Variants in ACTMAP observed in about 807,000 individuals in gnomAD.
The protein encoded by ACTMAP is UPF0692 protein C19orf54.
the ACTMAP span, among the ~76,000 whole-genome samples, chr19:40,743,601 C>T: frequency 1.3e-5 from 2 of 152,254 alleles, no homozygotes; most frequent in South Asian, 4.1e-4. Context: ...ACTGTTACCC[C>T]CAATTTCCAG....
At chr19:40,749,697 AG>A in the ACTMAP span, 2 of 1,529,532 alleles carry the variant, frequency 1.3e-6, no homozygotes, top group Non-Finnish European at 1.8e-6. Flanking sequence ...TGAAAAGTCC[AG>A]GGGACTTGGG....
the ACTMAP span, chr19:40,744,878 T>A: frequency 1.1e-6 from 1 of 908,874 alleles, no homozygotes; most frequent in Non-Finnish European, 1.6e-6. Context: ...AGAGGTCACC[T>A]GAGCTTCCTG....
the ACTMAP span, chr19:40,742,325 G>A: frequency 8.9e-7 from 1 of 1,127,884 alleles, no homozygotes; most frequent in Non-Finnish European, 1.2e-6. Flanking sequence ...GAGGACTGGA[G>A]ACCCCTGAGA....
the ACTMAP span, among the ~76,000 whole-genome samples, chr19:40,747,194 C>T: frequency 6.6e-6 from 1 of 152,022 alleles, no homozygotes; most frequent in Non-Finnish European, 1.5e-5. Context: ...CTCCTGGTTC[C>T]TAGTTTAGGG....
At chr19:40,745,198 C>T in the ACTMAP span, 1 of 1,551,788 alleles carries the variant, frequency 6.4e-7, no homozygotes, top group Non-Finnish European at 8.7e-7. Context: ...CACCTCGGAA[C>T]CTGAAGCAGA....
chr19:40,742,541 C>T, the ACTMAP span: 6 of 1,585,120 alleles, frequency 3.8e-6, no homozygotes, highest in African/African-American at 4.0e-5. Context: ...CCCGTGAGGG[C>T]GAGAAGTCCG....
chr19:40,743,799 A>G, the ACTMAP span: 4 of 1,426,970 alleles, frequency 2.8e-6, no homozygotes, highest in Non-Finnish European at 3.9e-6. Flanking sequence ...CTAAGTGCCC[A>G]GCCTGGCTGG....
chr19:40,743,015 G>A, the ACTMAP span, among the ~76,000 whole-genome samples: 1 of 152,150 alleles, frequency 6.6e-6, no homozygotes, highest in Admixed American at 6.5e-5. Context: ...GAGGCAGCAT[G>A]AGATGAAGCA....
the ACTMAP span, chr19:40,745,261 C>G: frequency 6.6e-7 from 1 of 1,518,106 alleles, no homozygotes; most frequent in Non-Finnish European, 9.0e-7. Context: ...ACCCTGAGGT[C>G]TGGCTGGGAG....
At chr19:40,744,541 T>C in the ACTMAP span, 3 of 1,612,728 alleles carry the variant, frequency 1.9e-6, no homozygotes, top group African/African-American at 1.3e-5. Context: ...TGATGGAGCA[T>C]GCAGTCACCC....
the ACTMAP span, among the ~76,000 whole-genome samples, chr19:40,748,984 CTTTTTTTTTTT>C: frequency 2.0e-4 from 20 of 102,554 alleles, no homozygotes; most frequent in African/African-American, 6.3e-4. Context: ...GGCATTTGCT[CTTTTTTTTTTT>C]TTTTTTTTTT....
the ACTMAP span, chr19:40,745,211 C>T: frequency 4.6e-5 from 71 of 1,551,732 alleles, no homozygotes; most frequent in African/African-American, 5.7e-4. Context: ...GAAGCAGAGC[C>T]GTGCTCAGTC....
the ACTMAP span, chr19:40,744,233 T>C: frequency 2.0e-5 from 31 of 1,521,058 alleles, 1 homozygote; most frequent in South Asian, 3.6e-4. Flanking sequence ...GCTTGCTGCA[T>C]GTGCCCAGCA....
the ACTMAP span, among the ~76,000 whole-genome samples, chr19:40,744,393 G>A: frequency 1.3e-5 from 2 of 152,168 alleles, no homozygotes; most frequent in African/African-American, 2.4e-5. Context: ...TTGCAACCTA[G>A]GCAGCCAGCT....
the ACTMAP span, among the ~76,000 whole-genome samples, chr19:40,743,153 T>G: frequency 6.6e-6 from 1 of 151,976 alleles, no homozygotes; most frequent in African/African-American, 2.4e-5. Flanking sequence ...CAACCTGGCC[T>G]TCTTTCTTTC....
the ACTMAP span, chr19:40,749,915 G>C: frequency 2.3e-6 from 2 of 867,896 alleles, no homozygotes; most frequent in Admixed American, 3.8e-5. Flanking sequence ...CTGAGTTCCA[G>C]AATCTGGGGA....
chr19:40,742,715 C>T, the ACTMAP span: 1 of 1,612,158 alleles, frequency 6.2e-7, no homozygotes, highest in South Asian at 1.1e-5. Context: ...GGCCCGGCAG[C>T]TCAGGGTCCT....
the ACTMAP span, chr19:40,741,815 C>G: frequency 2.2e-6 from 1 of 456,590 alleles, no homozygotes; most frequent in South Asian, 1.5e-5. Context: ...GATCTGCTAA[C>G]ACAGGTAGAG....
chr19:40,749,771 T>A, the ACTMAP span: 4 of 1,473,688 alleles, frequency 2.7e-6, no homozygotes, highest in Admixed American at 2.8e-5. Flanking sequence ...GAGAAATTGG[T>A]GGTTTTAGGG....
Sources: allele counts gnomAD v4.1 joint callset (sites outside exome capture counted in the v4.1 genomes callset), GRCh38; gene constraint gnomAD v4.1.1; transcripts MANE v1.5; gene names NCBI Gene and HGNC (gene_info 2026-07-23, HGNC 2026-07-21).